Variants in CUX2 observed in about 807,000 individuals in gnomAD.
CUX2 encodes the protein homeobox protein cut-like 2.
A neutral mutation model predicts 144.8 loss-of-function variants in CUX2; 40 were observed. The observed-to-expected ratio is 0.28, with a 90% CI of 0.21 to 0.36. CUX2 has a LOEUF of 0.36. CUX2 is among the 10% of genes least tolerant of loss of function. The pLI, the probability that CUX2 is intolerant of heterozygous loss-of-function variation, is 1.00. For missense variants in CUX2, 1,615 were observed against 1,994.0 expected (o/e 0.81, Z 3.62); for synonymous variants, 827 against 875.6 (o/e 0.94, Z 0.98).
At chr12:111,159,960 G>A (rs1390334432) in intron 1 of CUX2, among the ~76,000 whole-genome samples, 1 of 152,316 alleles carries the variant, frequency 6.6e-6, no homozygotes, top group East Asian at 1.9e-4. Flanking sequence ...GGGAGGCAGA[G>A]GTTTCAGTGA....
At chr12:111,072,692 A>G (rs1871299903) in intron 1 of CUX2, among the ~76,000 whole-genome samples, 1 of 152,208 alleles carries the variant, frequency 6.6e-6, no homozygotes, top group African/African-American at 2.4e-5. Flanking sequence ...TGGATAAAAT[A>G]CCTGATTACT....
Position 111,277,484 on chromosome 12 carries a change from C to T in CUX2, c.301+13645C>T, listed in dbSNP as rs1003150490. 2.6e-5 allele frequency among the ~76,000 whole-genome samples: 4 copies of T among 151,988 alleles called. No homozygotes were observed. The highest frequency in any genetic ancestry group is 6.6e-5 in the Admixed American group (1 of 15,258). On this transcript the variant is annotated intron_variant, in intron 4 of 21. Transcript: ENST00000261726. The surrounding 1 kb of genome is among the most constrained non-coding windows in gnomAD (Gnocchi z 5.0). ...TGCTAGCTGCCTCATTAGGGCTCCG[C>T]GGAGACACCACTCCCCTCACCAGGC... is the stretch of plus-strand genomic sequence containing the variant.
At chr12:111,298,109 G>A (rs936039683) in intron 8 of CUX2, among the ~76,000 whole-genome samples, 1 of 152,220 alleles carries the variant, frequency 6.6e-6, no homozygotes, top group Non-Finnish European at 1.5e-5. Flanking sequence ...CCTGCTAACA[G>A]AGGGGATGCC....
At chr12:111,342,344 G>A (rs920787337) in intron 21 of CUX2, among the ~76,000 whole-genome samples, 20 of 152,062 alleles carry the variant, frequency 1.3e-4, no homozygotes, top group African/African-American at 2.7e-4. Context: ...AGTTGTGTGC[G>A]GTGGCATACA....
At chr12:111,343,542 A>G (rs1888669077) in intron 21 of CUX2, among the ~76,000 whole-genome samples, 1 of 152,150 alleles carries the variant, frequency 6.6e-6, no homozygotes, top group African/African-American at 2.4e-5. Flanking sequence ...CCAAGGAATC[A>G]AGGAAAGAGG....
At chr12:111,053,789 A>T (rs1870391907) in intron 1 of CUX2, among the ~76,000 whole-genome samples, 1 of 152,220 alleles carries the variant, frequency 6.6e-6, no homozygotes, top group Non-Finnish European at 1.5e-5. Context: ...ATTACCATAC[A>T]TTAAAGCTAC....
chr12:111,093,710 C>T (rs968511446), intron 1 of CUX2, among the ~76,000 whole-genome samples: 3 of 152,192 alleles, frequency 2.0e-5, no homozygotes, highest in African/African-American at 4.8e-5. Flanking sequence ...AAGCGCCTGT[C>T]GCTCTTCCTT....
chr12:111,300,422 C>A (rs1202065966), intron 9 of CUX2, among the ~76,000 whole-genome samples: 1 of 152,134 alleles, frequency 6.6e-6, no homozygotes, highest in Non-Finnish European at 1.5e-5. Flanking sequence ...TGCCCAGCCA[C>A]CCCTTTTAAA....
At chr12:111,313,228 ATTT>A (rs1336966730) in intron 16 of CUX2, among the ~76,000 whole-genome samples, 1 of 140,612 alleles carries the variant, frequency 7.1e-6, no homozygotes. Context: ...CACCTGGCTA[ATTT>A]TTTTTTTTTT....
intron 1 of CUX2, among the ~76,000 whole-genome samples, chr12:111,116,047 C>T (rs1298990536): frequency 6.6e-6 from 1 of 152,200 alleles, no homozygotes; most frequent in Non-Finnish European, 1.5e-5. Context: ...ATCCCTCACC[C>T]CTTTCTTGGC....
chr12:111,100,039 G>A (rs775741454), intron 1 of CUX2: 4 of 456,850 alleles, frequency 8.8e-6, no homozygotes, highest in South Asian at 6.2e-5. Flanking sequence ...TGCTGCTGAC[G>A]GGCCCTCGGA....
intron 1 of CUX2, among the ~76,000 whole-genome samples, chr12:111,076,162 AGGCAAG>A (rs1292250869): frequency 6.6e-6 from 1 of 152,204 alleles, no homozygotes; most frequent in Non-Finnish European, 1.5e-5. Flanking sequence ...TGCACTGGAG[AGGCAAG>A]TCAGCATCAT....
chr12:111,078,319 A>G (rs1006305497), intron 1 of CUX2, among the ~76,000 whole-genome samples: 1 of 152,168 alleles, frequency 6.6e-6, no homozygotes, highest in African/African-American at 2.4e-5. Flanking sequence ...CATGCTGAGC[A>G]TTGGGAGGAA....
chr12:111,044,587 C>T (rs893717990), intron 1 of CUX2, among the ~76,000 whole-genome samples: 2 of 152,222 alleles, frequency 1.3e-5, no homozygotes, highest in Admixed American at 6.5e-5. Flanking sequence ...CTTTCCAAAT[C>T]AGCTCCCCTC....
At chr12:111,094,458 C>T (rs775022458) in intron 1 of CUX2, among the ~76,000 whole-genome samples, 2 of 152,228 alleles carry the variant, frequency 1.3e-5, no homozygotes, top group Non-Finnish European at 2.9e-5. Context: ...CCTGTGTCTT[C>T]CCCCTGTGCC....
At chr12:111,324,453 G>T (rs374765391) in intron 18 of CUX2, among the ~76,000 whole-genome samples, 2 of 151,878 alleles carry the variant, frequency 1.3e-5, no homozygotes, top group East Asian at 3.9e-4. Flanking sequence ...GAGGCAGGGC[G>T]TGGTGACTTT....
intron 4 of CUX2, among the ~76,000 whole-genome samples, chr12:111,279,173 C>CA (rs1885010606): frequency 6.6e-6 from 1 of 152,146 alleles, no homozygotes; most frequent in Admixed American, 6.5e-5. Context: ...AATGAGGAGG[C>CA]AGGAGGACCA....
intron 1 of CUX2, among the ~76,000 whole-genome samples, chr12:111,209,021 G>A (rs1380794035): frequency 6.6e-6 from 1 of 152,190 alleles, no homozygotes; most frequent in African/African-American, 2.4e-5. Flanking sequence ...TAGGAAAAAT[G>A]TGTCTGTGAT....
intron 2 of CUX2, among the ~76,000 whole-genome samples, chr12:111,217,448 G>T (rs1881605889): frequency 6.6e-6 from 1 of 152,158 alleles, no homozygotes; most frequent in African/African-American, 2.4e-5. Flanking sequence ...CACCTTGAAG[G>T]GCAGAAGGTT....
Sources: allele counts gnomAD v4.1 joint callset (sites outside exome capture counted in the v4.1 genomes callset), GRCh38; gene constraint gnomAD v4.1.1; non-coding constraint Gnocchi (gnomAD v3.1); transcripts MANE v1.5; gene names NCBI Gene and HGNC (gene_info 2026-07-23, HGNC 2026-07-21).